The following DSG2 variants were observed in gnomAD, a reference collection of about 807,000 sequenced individuals.
The protein encoded by DSG2 is desmoglein 2.
Under a neutral mutation model 75.6 loss-of-function variants are expected in DSG2, and 45 were observed. The observed-to-expected ratio is 0.60, with a 90% CI of 0.47 to 0.76. DSG2 has a LOEUF of 0.76. DSG2 is among the 30% of genes least tolerant of loss of function. DSG2 has a pLI of 0.00. For synonymous variants in DSG2, 429 were observed against 483.9 expected, an observed-to-expected ratio of 0.89 and a Z score of 1.49; for missense variants, 1,267 against 1,357.4, an observed-to-expected ratio of 0.93 and a Z score of 1.05.
intron 8 of DSG2, among the ~76,000 whole-genome samples, chr18:31,525,478 T>A (rs2073157874): frequency 6.6e-6 from 1 of 151,384 alleles, no homozygotes; most frequent in African/African-American, 2.4e-5. Flanking sequence ...GTGGTCACAC[T>A]GCTGCACTCC....
intron 9 of DSG2, among the ~76,000 whole-genome samples, chr18:31,533,410 A>G (rs1199139400): frequency 6.6e-6 from 1 of 152,204 alleles, no homozygotes; most frequent in Non-Finnish European, 1.5e-5. Context: ...TAGGAGTTCA[A>G]GGTTCCAGCG....
In DSG2 at chr18:31,522,173, C is replaced by T. The variant is rs760896926; in HGVS notation, c.614C>T (p.Pro205Leu). ...TCCTATAGAATCGTATCTCTGGAGCCTGCTTATCCTCCAGTGTTCTACCTA... is the reference window on the plus strand; with the variant it reads ...TCCTATAGAATCGTATCTCTGGAGCTTGCTTATCCTCCAGTGTTCTACCTA... Reference protein sequence around the residue: ...KISYRIVSLEPAYPPVFYLNK... With the variant: ...KISYRIVSLELAYPPVFYLNK... The change falls in exon 6 of 15, where the codon CCT becomes CTT. Residue 205 changes from proline to leucine, a missense_variant. Pro to Leu is a moderately conservative substitution (Grantham distance 98). Coordinates refer to ENST00000261590, the MANE Select transcript of DSG2 (RefSeq NM_001943.5). 1 of 1,613,340 alleles carries T rather than the reference C, an allele frequency of 6.2e-7. No homozygotes were observed. The highest frequency in any genetic ancestry group is 8.5e-7 in the Non-Finnish European group (1 of 1,179,314).
At chr18:31,528,741 G>A (rs1373503733) in intron 8 of DSG2, among the ~76,000 whole-genome samples, 2 of 151,424 alleles carry the variant, frequency 1.3e-5, no homozygotes, top group Admixed American at 1.3e-4. Flanking sequence ...TGCTGATTAT[G>A]CTATGTATAA....
chr18:31,539,796 G>A (rs1378392278), intron 12 of DSG2, among the ~76,000 whole-genome samples: 1 of 152,184 alleles, frequency 6.6e-6, no homozygotes, highest in Admixed American at 6.5e-5. Context: ...ACAGCAGGAG[G>A]TGAGTGGTGG....
At chr18:31,521,736 AC>A (rs2073129473) in intron 5 of DSG2, among the ~76,000 whole-genome samples, 1 of 152,210 alleles carries the variant, frequency 6.6e-6, no homozygotes, top group South Asian at 2.1e-4. Flanking sequence ...AGGAATAGTT[AC>A]GCTTCTCCTG....
chr18:31,530,020 T>C lies in DSG2; in HGVS notation c.1015-967T>C, dbSNP rs537602866. 4.6e-5 allele frequency among the ~76,000 whole-genome samples: 7 copies of C among 152,312 alleles called. No homozygotes were observed. In the East Asian group the frequency reaches 1.2e-3, roughly 25 times the overall value. ...CATTGAAAAGTTGGAACATAAAATA[T>C]GTATACAGTAATGAACTGATTATTT... On this transcript the variant is annotated intron_variant, in intron 8 of 14. Transcript: ENST00000261590.
intron 6 of DSG2, among the ~76,000 whole-genome samples, chr18:31,523,540 A>T (rs1459780016): frequency 6.6e-6 from 1 of 152,232 alleles, no homozygotes; most frequent in Non-Finnish European, 1.5e-5. Flanking sequence ...ATAAAACTAG[A>T]ATGGAAAAGT....
rs748298838 is a variant in DSG2, at chr18:31,546,351, G to C, written c.2965G>C (p.Glu989Gln). ...YANEGTVVVT[E>Q]RVIQPHGGGS... ...TAATGAAGGTACAGTTGTGGTCACT[G>C]AAAGAGTAATACAGCCTCATGGGGG... Residue 989 changes from glutamate (E) to glutamine (Q), a missense_variant, in exon 15 of 15, where the codon GAA becomes CAA. Transcript: ENST00000261590. The C allele has an allele frequency of 6.2e-7, 1 of 1,613,310 alleles. No individual in the cohort carries two copies. The highest frequency in any genetic ancestry group is 8.5e-7 in the Non-Finnish European group (1 of 1,179,420).
Position 31,519,837 on chromosome 18 carries a change from C to T in DSG2, c.116C>T (p.Pro39Leu). The T allele has an allele frequency of 6.2e-7, 1 of 1,614,120 alleles. No individual in the cohort carries two copies. The highest frequency in any genetic ancestry group is 1.3e-5 in the African/African-American group (1 of 75,018). The change falls in exon 3 of 15, where the codon CCT (proline) becomes CTT (leucine). Residue 39 changes from proline to leucine, a missense_variant. Coordinates refer to ENST00000261590, the MANE Select transcript of DSG2 (RefSeq NM_001943.5). ...LSTRNENKLL[P>L]KHPHLVRQKR... ...ACAAGAAATGAAAATAAGCTGCTTC[C>T]TAAACATCCTCATTTAGTGCGGCAA... is the stretch of plus-strand genomic sequence containing the variant.
chr18:31,503,294 T>C (rs1279704391), intron 1 of DSG2, among the ~76,000 whole-genome samples: 1 of 152,194 alleles, frequency 6.6e-6, no homozygotes, highest in Non-Finnish European at 1.5e-5. Flanking sequence ...CCATGGAGCC[T>C]ATAGAAGGAG....
At position 31,546,181 on chromosome 18, in the gene DSG2, A is replaced by T; in HGVS notation, c.2795A>T (p.Asn932Ile). 1 of 1,614,036 alleles carries T rather than the reference A, an allele frequency of 6.2e-7. No homozygotes were observed. The highest frequency in any genetic ancestry group is 8.5e-7 in the Non-Finnish European group (1 of 1,179,942). The change falls in exon 15 of 15, where the codon AAT (asparagine) becomes ATT (isoleucine). Residue 932 changes from asparagine to isoleucine, a missense_variant. Transcript: ENST00000261590. ...CTTCCTGACCCAATGGCTTCTAGAA[A>T]TGTGATAGCAACAGAAACTTCCTAT... ...TPLPDPMASR[N>I]VIATETSYVT...
chr18:31,540,130 A>C (rs2073256841), intron 12 of DSG2, among the ~76,000 whole-genome samples: 1 of 152,176 alleles, frequency 6.6e-6, no homozygotes, highest in Non-Finnish European at 1.5e-5. Context: ...AATAGAAATA[A>C]AGTACACAAT....
intron 6 of DSG2, 33 bp downstream of exon 6, chr18:31,522,282 ACT>A (rs1568105788): frequency 1.3e-6 from 2 of 1,588,430 alleles, no homozygotes; most frequent in South Asian, 1.1e-5. Flanking sequence ...CCATCTTTAA[ACT>A]CTCTATCCTT....
chr18:31,510,671 T>G (rs9956560), intron 1 of DSG2, among the ~76,000 whole-genome samples: 1,653 of 152,340 alleles, frequency 0.011, 27 homozygotes, highest in African/African-American at 0.038. Flanking sequence ...GAAAAATTTT[T>G]TACATGTTTT....
chr18:31,522,001 C>A, intron 5 of DSG2, 82 bp from the exon 6 acceptor site: 2 of 1,363,006 alleles, frequency 1.5e-6, no homozygotes, highest in Non-Finnish European at 2.0e-6. Flanking sequence ...TTTTTTGGAA[C>A]AAGCTAAAAT....
chr18:31,508,067 A>G (rs919880142), intron 1 of DSG2, among the ~76,000 whole-genome samples: 2 of 152,156 alleles, frequency 1.3e-5, no homozygotes, highest in Non-Finnish European at 2.9e-5. Context: ...TAGGTCTTAC[A>G]TTTAAGTCTT....
intron 2 of DSG2, 35 bp downstream of exon 2, chr18:31,518,309 C>T (rs1231684820): frequency 1.9e-6 from 3 of 1,577,204 alleles, no homozygotes; most frequent in South Asian, 1.1e-5. Context: ...TGCCTTCTGA[C>T]TCAGGAGGGT....
chr18:31,508,193 A>C (rs140156337), intron 1 of DSG2, among the ~76,000 whole-genome samples: 24 of 152,164 alleles, frequency 1.6e-4, no homozygotes, highest in African/African-American at 5.5e-4. Context: ...TTGAGTGACA[A>C]ATGCTTAGGA....
chr18:31,519,725 T>C, intron 2 of DSG2, 78 bp from the exon 3 acceptor site: 2 of 1,501,308 alleles, frequency 1.3e-6, no homozygotes, highest in South Asian at 1.2e-5. Flanking sequence ...TTTAAAAGTT[T>C]ATTATGTTAT....
Sources: allele counts gnomAD v4.1 joint callset (sites outside exome capture counted in the v4.1 genomes callset), GRCh38; gene constraint gnomAD v4.1.1; transcripts MANE v1.5; gene names NCBI Gene and HGNC (gene_info 2026-07-23, HGNC 2026-07-21).